The following GPC3 variants were observed in gnomAD, a reference collection of about 807,000 sequenced individuals.
GPC3 encodes glypican-3.
Under a neutral mutation model 34.4 loss-of-function variants are expected in GPC3, and 3 were observed. The observed-to-expected ratio is 0.09, with a 90% CI of 0.04 to 0.23. The LOEUF (loss-of-function observed/expected upper bound fraction) is 0.23. Ranked by LOEUF, GPC3 falls within the 10% of genes least tolerant of loss-of-function variation. The probability of loss-of-function intolerance (pLI) is 1.00; values close to 1 mark genes in which losing one functional copy is unlikely to be tolerated. For synonymous variants in GPC3, 177 were observed against 174.0 expected (o/e 1.02, Z -0.13); for missense variants, 351 against 445.6 (o/e 0.79, Z 1.91).
chrX:133,965,825 AG>A (rs1214250020), intron 1 of GPC3, among the ~76,000 whole-genome samples: 3 of 111,473 alleles, frequency 2.7e-5, no homozygotes, highest in Non-Finnish European at 5.6e-5. Flanking sequence ...GCACTCTGTG[AG>A]TAATGCCCTC....
At chrX:133,773,313 G>A (rs2071942052) in intron 2 of GPC3, among the ~76,000 whole-genome samples, 1 of 111,314 alleles carries the variant, frequency 9.0e-6, no homozygotes, top group Non-Finnish European at 1.9e-5. Context: ...GAGCCCAGGC[G>A]GCCTGCATAC....
At chrX:133,651,925 T>A (rs923079437) in intron 6 of GPC3, among the ~76,000 whole-genome samples, 5 of 112,343 alleles carry the variant, frequency 4.5e-5, no homozygotes, top group Non-Finnish European at 9.4e-5. Flanking sequence ...TCTATGCCAT[T>A]CCTCTGATCA....
intron 3 of GPC3, among the ~76,000 whole-genome samples, chrX:133,727,164 C>T (rs1033628187): frequency 2.7e-5 from 3 of 111,997 alleles, no homozygotes; most frequent in African/African-American, 9.8e-5. Context: ...AAGTTTGGTA[C>T]ATGAAAGGCA....
chrX:133,623,902 G>C (rs1384203271), intron 6 of GPC3, among the ~76,000 whole-genome samples: 1 of 111,528 alleles, frequency 9.0e-6, no homozygotes, highest in African/African-American at 3.3e-5. Flanking sequence ...TGACCACATA[G>C]TTGGAAGTAA....
intron 7 of GPC3, among the ~76,000 whole-genome samples, chrX:133,589,042 G>T (rs1189063949): frequency 2.7e-5 from 3 of 111,396 alleles, no homozygotes; most frequent in Non-Finnish European, 5.6e-5. Context: ...TGGCAAAAGG[G>T]ACCAGTCACC....
At chrX:133,580,169 G>C (rs1313270701) in intron 7 of GPC3, among the ~76,000 whole-genome samples, 1 of 111,853 alleles carries the variant, frequency 8.9e-6, no homozygotes, top group Non-Finnish European at 1.9e-5. Flanking sequence ...TTTATGCCTA[G>C]AATTTAGGGA....
chrX:133,604,058 G>A (rs1041495956), intron 6 of GPC3, among the ~76,000 whole-genome samples: 11 of 111,408 alleles, frequency 9.9e-5, no homozygotes, highest in African/African-American at 3.3e-4. Context: ...TTTAACATAT[G>A]TTCTCTCACA....
At chrX:133,725,755 T>C (rs748950095) in intron 3 of GPC3, among the ~76,000 whole-genome samples, 1 of 112,103 alleles carries the variant, frequency 8.9e-6, no homozygotes, top group Non-Finnish European at 1.9e-5. Context: ...CAGCCTATTA[T>C]CAAGAGGAAG....
chrX:133,799,687 T>A (rs1415185252), intron 2 of GPC3, among the ~76,000 whole-genome samples: 1 of 111,843 alleles, frequency 8.9e-6, no homozygotes, highest in African/African-American at 3.3e-5. Flanking sequence ...AGGCATTCCT[T>A]GTCCCAGAAG....
chrX:133,827,349 C>T (rs2075752463), intron 2 of GPC3, among the ~76,000 whole-genome samples: 1 of 111,956 alleles, frequency 8.9e-6, no homozygotes, highest in African/African-American at 3.2e-5. Context: ...TGCGTGTAAC[C>T]CCTTTTTTCT....
chrX:133,694,006 T>G (rs778389911), intron 4 of GPC3, among the ~76,000 whole-genome samples: 4 of 110,858 alleles, frequency 3.6e-5, no homozygotes, highest in African/African-American at 6.6e-5. Context: ...CTCCACCATG[T>G]TTTCACACAG....
Position 133,622,817 on chromosome X carries a change from C to T in GPC3, c.1414-26218G>A, listed in dbSNP as rs191332763. Among the ~76,000 whole-genome samples, 385 of 111,163 alleles carry T rather than the reference C, an allele frequency of 3.5e-3. 2 individuals carry two copies. Among genetic ancestry groups the T allele is most frequent in the Middle Eastern group, 4.6e-3 (1 of 217 alleles). On this transcript the variant is annotated intron_variant, in intron 6 of 7. Coordinates refer to ENST00000370818, the MANE Select transcript of GPC3 (RefSeq NM_004484.4). Reference sequence around the variant, plus strand: ...ATTCAAATTCAGGAAATACAGAGAACGCCACAAAGACACTCCTCGAGAAGA... The same window carrying T: ...ATTCAAATTCAGGAAATACAGAGAATGCCACAAAGACACTCCTCGAGAAGA...
At chrX:133,562,785 G>A (rs1233228206) in intron 7 of GPC3, among the ~76,000 whole-genome samples, 1 of 111,372 alleles carries the variant, frequency 9.0e-6, no homozygotes, top group Non-Finnish European at 1.9e-5. Context: ...TCATTAGAAA[G>A]GGGGATCACC....
chrX:133,843,097 T>A (rs975742569), intron 2 of GPC3, among the ~76,000 whole-genome samples: 1 of 111,717 alleles, frequency 9.0e-6, no homozygotes, highest in Non-Finnish European at 1.9e-5. Flanking sequence ...CTTGCAGCCA[T>A]GTTATTGAGT....
intron 2 of GPC3, among the ~76,000 whole-genome samples, chrX:133,888,397 T>A (rs1242446021): frequency 1.8e-5 from 2 of 111,829 alleles, no homozygotes; most frequent in Non-Finnish European, 3.8e-5. Context: ...TGTACATGTG[T>A]CTTTATAGTA....
At chrX:133,601,281 T>A (rs765689251) in intron 6 of GPC3, among the ~76,000 whole-genome samples, 6 of 112,490 alleles carry the variant, frequency 5.3e-5, no homozygotes, top group Non-Finnish European at 9.4e-5. Flanking sequence ...TCCCAAACTT[T>A]AATAAACAAT....
intron 3 of GPC3, among the ~76,000 whole-genome samples, chrX:133,725,321 C>G (rs757060574): frequency 9.0e-6 from 1 of 111,395 alleles, no homozygotes; most frequent in Non-Finnish European, 1.9e-5. Flanking sequence ...CCCACGAGTT[C>G]GAGACCCGTC....
At chrX:133,600,264 A>G (rs1258888714) in intron 6 of GPC3, among the ~76,000 whole-genome samples, 3 of 111,917 alleles carry the variant, frequency 2.7e-5, no homozygotes, top group African/African-American at 9.7e-5. Flanking sequence ...AAAAAGGAGA[A>G]AGTCAAGGCC....
intron 2 of GPC3, among the ~76,000 whole-genome samples, chrX:133,784,047 T>C (rs1376972793): frequency 1.8e-5 from 2 of 111,647 alleles, no homozygotes; most frequent in Admixed American, 1.9e-4. Flanking sequence ...GGAAAATTAA[T>C]GTAGTGTGCT....
Sources: allele counts gnomAD v4.1 joint callset (sites outside exome capture counted in the v4.1 genomes callset), GRCh38; gene constraint gnomAD v4.1.1; transcripts MANE v1.5; gene names NCBI Gene and HGNC (gene_info 2026-07-23, HGNC 2026-07-21).